Variants in PRLR observed in about 807,000 individuals in gnomAD.
PRLR encodes hPRL receptor.
In PRLR, 13 loss-of-function variants were observed where a neutral mutation model predicts 40.2. The ratio of observed to expected loss-of-function variants is 0.32; its 90% confidence interval spans 0.21 to 0.51. The LOEUF is 0.51. Ranked by LOEUF, PRLR falls within the 20% of genes least tolerant of loss-of-function variation. PRLR has a pLI of 0.97. For synonymous variants in PRLR, 269 were observed against 278.7 expected (o/e 0.97, Z 0.35); for missense variants, 656 against 747.3 (o/e 0.88, Z 1.42).
intron 9 of PRLR, among the ~76,000 whole-genome samples, chr5:35,066,954 A>G (rs543626380): frequency 2.8e-4 from 43 of 151,916 alleles, no homozygotes; most frequent in African/African-American, 9.4e-4. Context: ...TAGTAGAGAC[A>G]GGGTTTCACC....
chr5:35,051,326 G>A (rs73091117), downstream of PRLR, among the ~76,000 whole-genome samples: 117 of 152,284 alleles, frequency 7.7e-4, no homozygotes, highest in African/African-American at 2.7e-3. Flanking sequence ...ATTTATGTGG[G>A]GAAGATTTGT....
intron 1 of PRLR, among the ~76,000 whole-genome samples, chr5:35,146,427 G>A (rs577819890): frequency 2.6e-5 from 4 of 152,162 alleles, no homozygotes; most frequent in East Asian, 1.9e-4. Context: ...AGTTCCTCTC[G>A]TAAAGGCCTT....
chr5:35,175,386 T>C (rs1309552351), intron 1 of PRLR, among the ~76,000 whole-genome samples: 3 of 152,206 alleles, frequency 2.0e-5, no homozygotes, highest in Non-Finnish European at 2.9e-5. Flanking sequence ...TCCCCAGCCA[T>C]ATGGAACTGT....
chr5:35,155,898 A>G (rs1774481268), intron 1 of PRLR, among the ~76,000 whole-genome samples: 1 of 152,346 alleles, frequency 6.6e-6, no homozygotes, highest in Middle Eastern at 3.4e-3. Flanking sequence ...TGTAAATATT[A>G]ATGACTGAAA....
rs1769663945 is a variant in PRLR, at chr5:35,070,259, A to G, written c.550T>C (p.Phe184Leu). Residue 184 changes from phenylalanine to leucine, a missense_variant, in exon 7 of 10, where the codon TTT (phenylalanine) becomes CTT (leucine). By Grantham distance (22) the Phe-to-Leu change is conservative. Transcript: ENST00000618457. The stretch of plus-strand genomic sequence containing the variant: ...TTAAACTCTGTTTGCTGCCCAGCAA[A>G]ATGGATCTAAGGTAGAATAAGGAAA... ...PEKAAEWEIHFAGQQTEFKIL... is the reference protein window; with the variant it reads ...PEKAAEWEIHLAGQQTEFKIL... 11 of 1,613,822 alleles carry G rather than the reference A, an allele frequency of 6.8e-6. No homozygotes were observed. Among genetic ancestry groups the G allele is most frequent in the Non-Finnish European group, 9.3e-6 (11 of 1,179,942 alleles).
At chr5:35,066,849 C>T (rs1227946153) in intron 9 of PRLR, among the ~76,000 whole-genome samples, 5 of 150,982 alleles carry the variant, frequency 3.3e-5, no homozygotes, top group South Asian at 2.1e-4. Context: ...CTGCAAGCTC[C>T]GCCTCCCGGG....
chr5:35,136,739 G>A (rs1773869938), intron 1 of PRLR, among the ~76,000 whole-genome samples: 1 of 152,070 alleles, frequency 6.6e-6, no homozygotes, highest in Admixed American at 6.5e-5. Context: ...GCTAGCCCAC[G>A]TGAATCTCTA....
intron 8 of PRLR, 71 bp from the exon 9 acceptor site, chr5:35,068,356 A>G: frequency 6.3e-6 from 8 of 1,276,652 alleles, no homozygotes; most frequent in South Asian, 1.2e-5. Context: ...GGTTAGTATA[A>G]TAGCCACTAT....
intron 5 of PRLR, chr5:35,081,629 G>T (rs1770525906): frequency 6.5e-6 from 1 of 152,736 alleles, no homozygotes; most frequent in Admixed American, 6.5e-5. Flanking sequence ...ATATACACTT[G>T]ATTTCTCTTT....
rs145053528 is a variant in PRLR at position 35,101,889 on chromosome 5, G to A, written c.-43-12226C>T. Among the ~76,000 whole-genome samples the A allele has an allele frequency of 3.8e-3, 569 of 150,692 alleles. 3 individuals carry two copies. Among genetic ancestry groups the A allele is most frequent in the African/African-American group, 0.012 (490 of 41,274 alleles). Reference sequence around the variant, plus strand: ...GTCACCCAGGCTGGAGTACAGTGGCGCAATCTCGGCTTTCTGTAACCTTTG... The same window carrying A: ...GTCACCCAGGCTGGAGTACAGTGGCACAATCTCGGCTTTCTGTAACCTTTG... On this transcript the variant is annotated intron_variant, in intron 2 of 9. Coordinates refer to ENST00000618457, the MANE Select transcript of PRLR (RefSeq NM_000949.7).
At chr5:35,224,727 GA>G (rs34232360) in intron 1 of PRLR, among the ~76,000 whole-genome samples, 105,646 of 151,908 alleles carry the variant, frequency 0.7, 37,788 homozygotes, top group Middle Eastern at 0.8. Flanking sequence ...AAAGTTGGGG[GA>G]AAAAAAGGGA....
chr5:35,051,943 G>A (rs920930798), downstream of PRLR, among the ~76,000 whole-genome samples: 3 of 152,128 alleles, frequency 2.0e-5, no homozygotes, highest in Admixed American at 6.6e-5. Flanking sequence ...TAAGACAAAC[G>A]TGACCATTAT....
intron 1 of PRLR, among the ~76,000 whole-genome samples, chr5:35,140,839 G>C (rs73764446): frequency 0.06 from 9,095 of 152,168 alleles, 972 homozygotes; most frequent in African/African-American, 0.21. Context: ...CCAGTTGCCT[G>C]TCTAACATCC....
At chr5:35,104,118 T>G (rs1772070247) in intron 2 of PRLR, among the ~76,000 whole-genome samples, 1 of 152,144 alleles carries the variant, frequency 6.6e-6, no homozygotes, top group Middle Eastern at 3.2e-3. Flanking sequence ...ACAGTAGCAC[T>G]TAGCTCCTTA....
chr5:35,213,277 A>G (rs1269534814), intron 1 of PRLR, among the ~76,000 whole-genome samples: 1 of 152,212 alleles, frequency 6.6e-6, no homozygotes, highest in Non-Finnish European at 1.5e-5. Context: ...GTGACAACAC[A>G]GCGAGAATCC....
intron 1 of PRLR, among the ~76,000 whole-genome samples, chr5:35,182,656 C>T (rs927176005): frequency 3.3e-5 from 5 of 152,162 alleles, no homozygotes; most frequent in Admixed American, 2.6e-4. Context: ...TGATAGATTT[C>T]ATTTAGATAA....
At chr5:35,125,463 G>A (rs914515149) in intron 1 of PRLR, among the ~76,000 whole-genome samples, 12 of 152,144 alleles carry the variant, frequency 7.9e-5, no homozygotes, top group Non-Finnish European at 1.8e-4. Context: ...AAATACCTCC[G>A]AGTGATGAAA....
chr5:35,075,494 G>T (rs1039462081), intron 5 of PRLR, among the ~76,000 whole-genome samples: 9 of 152,232 alleles, frequency 5.9e-5, no homozygotes, highest in African/African-American at 1.7e-4. Context: ...TGGGGGAGGG[G>T]TGTCTGCCAT....
intron 1 of PRLR, among the ~76,000 whole-genome samples, chr5:35,205,708 A>T (rs753808403): frequency 6.6e-6 from 1 of 152,190 alleles, no homozygotes; most frequent in African/African-American, 2.4e-5. Context: ...ATGACTTTTT[A>T]TGTTCTCTAT....
Sources: allele counts gnomAD v4.1 joint callset (sites outside exome capture counted in the v4.1 genomes callset), GRCh38; gene constraint gnomAD v4.1.1; transcripts MANE v1.5; gene names NCBI Gene and HGNC (gene_info 2026-07-23, HGNC 2026-07-21).